Variants in SCHIP1 observed in about 807,000 individuals in gnomAD.
SCHIP1 encodes schwannomin interacting protein 1, also known as schwannomin-interacting protein 1.
Under a neutral mutation model 29.7 loss-of-function variants are expected in SCHIP1, and 8 were observed. The ratio of observed to expected loss-of-function variants is 0.27; its 90% CI spans 0.16 to 0.49. The LOEUF is 0.49. Ranked by LOEUF, SCHIP1 falls within the 20% of genes least tolerant of loss-of-function variation. The probability of loss-of-function intolerance (pLI) is 0.99; values close to 1 mark genes in which losing one functional copy is unlikely to be tolerated. For synonymous variants in SCHIP1, 76 were observed against 94.9 expected, an observed-to-expected ratio of 0.80 and a Z score of 1.16; for missense variants, 193 against 294.6, an observed-to-expected ratio of 0.66 and a Z score of 2.52.
the SCHIP1 span, among the ~76,000 whole-genome samples, chr3:159,384,798 G>A: frequency 6.6e-6 from 1 of 152,140 alleles, no homozygotes; most frequent in Admixed American, 6.5e-5. Flanking sequence ...CCTGTTATTG[G>A]TCTGTTCAGA....
chr3:159,310,574 G>T, the SCHIP1 span, among the ~76,000 whole-genome samples: 2 of 152,026 alleles, frequency 1.3e-5, no homozygotes. Flanking sequence ...CAGACGGTGG[G>T]TTATATTTCA....
the SCHIP1 span, among the ~76,000 whole-genome samples, chr3:159,448,931 A>G: frequency 1.3e-5 from 2 of 152,210 alleles, no homozygotes; most frequent in Non-Finnish European, 2.9e-5. Context: ...AACACTGTCA[A>G]CTTTCATGTC....
the SCHIP1 span, among the ~76,000 whole-genome samples, chr3:159,303,200 TAG>T: frequency 1.3e-5 from 2 of 152,048 alleles, no homozygotes; most frequent in Admixed American, 1.3e-4. Flanking sequence ...ATGGAGGGGC[TAG>T]ATGGCTACAT....
At chr3:159,413,721 C>A in the SCHIP1 span, among the ~76,000 whole-genome samples, 3 of 152,306 alleles carry the variant, frequency 2.0e-5, no homozygotes, top group East Asian at 5.8e-4. Flanking sequence ...GACCTGGCTA[C>A]CTTTCCAGGG....
At chr3:159,448,622 A>G in the SCHIP1 span, among the ~76,000 whole-genome samples, 1 of 152,152 alleles carries the variant, frequency 6.6e-6, no homozygotes, top group African/African-American at 2.4e-5. Flanking sequence ...GTGTCCAGGA[A>G]ACCAAGAGAA....
At chr3:159,498,698 A>G in the SCHIP1 span, among the ~76,000 whole-genome samples, 2 of 152,204 alleles carry the variant, frequency 1.3e-5, no homozygotes, top group African/African-American at 4.8e-5. Context: ...TCAAAAATAT[A>G]TAGGTACCAA....
the SCHIP1 span, among the ~76,000 whole-genome samples, chr3:159,810,778 A>G: frequency 6.6e-6 from 1 of 152,214 alleles, no homozygotes; most frequent in Non-Finnish European, 1.5e-5. Flanking sequence ...ATACATATAC[A>G]TCTTTGTGTA....
At chr3:159,875,018 T>TTA (rs1553798242) in intron 2 of SCHIP1, among the ~76,000 whole-genome samples, 4 of 120,584 alleles carry the variant, frequency 3.3e-5, no homozygotes, top group East Asian at 5.0e-4. Context: ...CTGGGTAGTC[T>TTA]AAAAAAAAAA....
At chr3:159,499,998 T>TA in the SCHIP1 span, among the ~76,000 whole-genome samples, 1 of 151,772 alleles carries the variant, frequency 6.6e-6, no homozygotes, top group South Asian at 2.1e-4. Flanking sequence ...TTTTTTTTTT[T>TA]AAAAGTGACT....
At chr3:159,344,213 C>T in the SCHIP1 span, among the ~76,000 whole-genome samples, 2 of 151,114 alleles carry the variant, frequency 1.3e-5, no homozygotes, top group Middle Eastern at 3.2e-3. Context: ...CCCAGCTACT[C>T]AGAAGGCTGA....
the SCHIP1 span, among the ~76,000 whole-genome samples, chr3:159,663,713 C>T: frequency 6.6e-6 from 1 of 152,126 alleles, no homozygotes; most frequent in Non-Finnish European, 1.5e-5. Flanking sequence ...ACTGTTTGGA[C>T]AAAGTCTTTC....
the SCHIP1 span, among the ~76,000 whole-genome samples, chr3:159,413,727 C>A: frequency 2.5e-4 from 38 of 152,248 alleles, no homozygotes; most frequent in African/African-American, 9.1e-4. Context: ...GCTACCTTTC[C>A]AGGGCTCTTC....
the SCHIP1 span, among the ~76,000 whole-genome samples, chr3:159,463,622 C>G: frequency 6.6e-6 from 1 of 151,988 alleles, no homozygotes; most frequent in Admixed American, 6.6e-5. Context: ...TCCAAAAATA[C>G]AAGCTAATAA....
chr3:159,708,922 C>G, the SCHIP1 span, among the ~76,000 whole-genome samples: 1 of 152,200 alleles, frequency 6.6e-6, no homozygotes, highest in African/African-American at 2.4e-5. Flanking sequence ...TCTTACATCT[C>G]TCTTCTCCCA....
chr3:159,651,172 A>G, the SCHIP1 span, among the ~76,000 whole-genome samples: 1 of 152,232 alleles, frequency 6.6e-6, no homozygotes, highest in Non-Finnish European at 1.5e-5. Context: ...AAGGGAAAAT[A>G]TACAATTCAT....
the SCHIP1 span, among the ~76,000 whole-genome samples, chr3:159,597,220 TA>T: frequency 1.3e-5 from 2 of 152,164 alleles, no homozygotes; most frequent in African/African-American, 4.8e-5. Context: ...ATTATATAGA[TA>T]TTTTTTATTT....
the SCHIP1 span, among the ~76,000 whole-genome samples, chr3:159,496,795 C>T: frequency 1.3e-5 from 2 of 152,112 alleles, no homozygotes; most frequent in South Asian, 4.1e-4. Flanking sequence ...GCTATAAAGA[C>T]ACATGCACAC....
chr3:159,626,137 GA>G, the SCHIP1 span, among the ~76,000 whole-genome samples: 12 of 85,928 alleles, frequency 1.4e-4, 1 homozygote, highest in African/African-American at 9.4e-4. Flanking sequence ...TAGATAGATA[GA>G]TATATCTAGA....
chr3:159,864,308 A>ACTT (rs1450433640), intron 1 of SCHIP1, among the ~76,000 whole-genome samples: 6 of 152,290 alleles, frequency 3.9e-5, no homozygotes, highest in Admixed American at 3.3e-4. Flanking sequence ...GGTTAGTGAA[A>ACTT]TAAAAGGCAT....
Sources: allele counts gnomAD v4.1 joint callset (sites outside exome capture counted in the v4.1 genomes callset), GRCh38; gene constraint gnomAD v4.1.1; transcripts MANE v1.5; gene names NCBI Gene and HGNC (gene_info 2026-07-23, HGNC 2026-07-21).